Variants in ZNF76 observed in about 807,000 individuals in gnomAD.
The protein encoded by ZNF76 is zinc finger protein 523.
Under a neutral mutation model 66.9 loss-of-function variants are expected in ZNF76, and 66 were observed. The ratio of observed to expected loss-of-function variants is 0.99; its 90% CI spans 0.81 to 1.21. The LOEUF (loss-of-function observed/expected upper bound fraction) is 1.21, where lower values mean the gene tolerates loss of function less well. Ranked by LOEUF, ZNF76 falls within the 50% of genes most tolerant of loss-of-function variation. The pLI is 0.00. For missense variants in ZNF76, 729 were observed against 760.3 expected, an observed-to-expected ratio of 0.96 and a Z score of 0.48; for synonymous variants, 275 against 296.1, an observed-to-expected ratio of 0.93 and a Z score of 0.73.
At chr6:35,286,587 G>T in intron 4 of ZNF76, 188 bp downstream of exon 4, 1 of 630,970 alleles carries the variant, frequency 1.6e-6, no homozygotes, top group Non-Finnish European at 2.9e-6. Flanking sequence ...CACAGGAGCA[G>T]CTATGTCTGC....
At chr6:35,272,787 G>A (rs900778967) in intron 1 of ZNF76, among the ~76,000 whole-genome samples, 3 of 152,096 alleles carry the variant, frequency 2.0e-5, no homozygotes, top group Non-Finnish European at 4.4e-5. Context: ...ACAGCCATGT[G>A]CCACCATGCC....
At chr6:35,264,031 A>G (rs1785627224) in intron 1 of ZNF76, among the ~76,000 whole-genome samples, 1 of 152,168 alleles carries the variant, frequency 6.6e-6, no homozygotes, top group Non-Finnish European at 1.5e-5. Context: ...GATTACAGGC[A>G]TGAGCCACTG....
Position 35,287,032 on chromosome 6 carries a change from A to G in ZNF76, c.233-614A>G, listed in dbSNP as rs1211374969. Among the ~76,000 whole-genome samples, 1 of 152,128 alleles carries G rather than the reference A, an allele frequency of 6.6e-6. No homozygotes were observed. The highest frequency in any genetic ancestry group is 1.5e-5 in the Non-Finnish European group (1 of 68,018). On this transcript the variant is annotated intron_variant, in intron 4 of 13. Coordinates refer to ENST00000373953, the MANE Select transcript of ZNF76 (RefSeq NM_003427.5). The surrounding 1 kb of genome is among the most constrained non-coding windows in gnomAD (Gnocchi z 4.0). ...ACTTAGCTGGGGGAAGAGGGATGGCAGGGAGGGTTCAGTACTTCAGGCAGA... is the reference window on the plus strand; with the variant it reads ...ACTTAGCTGGGGGAAGAGGGATGGCGGGGAGGGTTCAGTACTTCAGGCAGA...
chr6:35,265,103 G>A (rs1785809606), intron 1 of ZNF76, among the ~76,000 whole-genome samples: 2 of 152,124 alleles, frequency 1.3e-5, no homozygotes, highest in South Asian at 4.1e-4. Context: ...CTAGGTACTG[G>A]GAATAGAGCA....
chr6:35,260,076 C>G (rs894956921), intron 1 of ZNF76, among the ~76,000 whole-genome samples: 5 of 152,052 alleles, frequency 3.3e-5, no homozygotes, highest in Non-Finnish European at 7.4e-5. Context: ...CGGCGCCCGC[C>G]TCCACCCTTG....
intron 1 of ZNF76, chr6:35,279,909 G>C (rs1788504887): frequency 6.6e-6 from 1 of 152,130 alleles, no homozygotes; most frequent in Non-Finnish European, 1.5e-5. Context: ...AAAGCTTACT[G>C]CAGTTTCAAA....
rs1205478450 is a variant in ZNF76, at chr6:35,295,628, C to T, written c.*380C>T. 3.2e-6 allele frequency: 1 copy of T among 310,842 alleles called. No individual in the cohort carries two copies. Among genetic ancestry groups the T allele is most frequent in the African/African-American group, 2.2e-5 (1 of 46,426 alleles). The allele number at this position is 310,842 out of a possible 1,614,324, so 19.3% of individuals were successfully genotyped here. ...TGGCCCTGTAGGGTTGAGCCACAGA[C>T]AGCTCTTCAGCCCAGTAGCAGTGGA... On this transcript the variant is annotated 3_prime_UTR_variant, in exon 14 of 14. Coordinates refer to ENST00000373953, the MANE Select transcript of ZNF76 (RefSeq NM_003427.5).
In ZNF76 at chr6:35,291,548, A is replaced by G. The variant is rs374070560; in HGVS notation, c.752-10A>G. 54 of 1,609,782 alleles carry G rather than the reference A, an allele frequency of 3.4e-5. No individual in the cohort carries two copies. Among genetic ancestry groups the G allele is most frequent in the Non-Finnish European group, 4.6e-5 (54 of 1,176,622 alleles). ...CCCACACCCCTCCTCACATCCCACC[A>G]TTTGCATAGGTGAACGCCCGTTCCA... On this transcript the variant is annotated splice_polypyrimidine_tract_variant and intron_variant, in intron 8 of 13. Transcript: ENST00000373953.
chr6:35,267,052 G>A (rs1363368074), intron 1 of ZNF76, among the ~76,000 whole-genome samples: 1 of 151,882 alleles, frequency 6.6e-6, no homozygotes, highest in Non-Finnish European at 1.5e-5. Context: ...GCCCGCCTTG[G>A]CCTCCCAAAG....
At chr6:35,294,848 G>A (rs1396622899) in intron 13 of ZNF76, 24 of 568,356 alleles carry the variant, frequency 4.2e-5, no homozygotes, top group Non-Finnish European at 6.9e-5. Flanking sequence ...TTCTTCATCT[G>A]GAAATGAAGG....
intron 5 of ZNF76, chr6:35,288,097 G>A (rs966192648): frequency 3.5e-5 from 23 of 665,480 alleles, no homozygotes; most frequent in African/African-American, 3.0e-4. Flanking sequence ...TTTTGTTTAC[G>A]CTGTCTTTGC....
At chr6:35,262,014 T>C (rs1416384495) in intron 1 of ZNF76, among the ~76,000 whole-genome samples, 1 of 152,188 alleles carries the variant, frequency 6.6e-6, no homozygotes, top group Non-Finnish European at 1.5e-5. Flanking sequence ...TTAATGTAAG[T>C]TTTATGTGAC....
chr6:35,259,738 CGCGG>C lies in ZNF76; in HGVS notation c.-189_-186del, dbSNP rs1217745535. The C allele has an allele frequency of 2.6e-5, 4 of 152,694 alleles. No individual in the cohort carries two copies. The highest frequency in any genetic ancestry group is 1.9e-4 in the East Asian group (1 of 5,178). The allele number at this position is 152,694 out of a possible 1,614,324, so 9.5% of individuals were successfully genotyped here. ...TGGATATCGCGCGAGGCAAGCTGCGCGCGGGCGGGCGGGCTATGGCGCAGGCGGG... is the reference window on the plus strand; with the variant it reads ...TGGATATCGCGCGAGGCAAGCTGCGCGCGGGCGGGCTATGGCGCAGGCGGG... On this transcript the variant is annotated 5_prime_UTR_variant, in exon 1 of 14. Transcript: ENST00000373953.
chr6:35,288,145 T>C (rs1789861984), intron 5 of ZNF76: 1 of 586,580 alleles, frequency 1.7e-6, no homozygotes, highest in African/African-American at 1.8e-5. Flanking sequence ...GGCATCCTTA[T>C]GCTGAGGAGT....
chr6:35,293,630 C>T (rs7765510), intron 11 of ZNF76, 121 bp from the exon 12 acceptor site: 25,350 of 1,233,972 alleles, frequency 0.021, 729 homozygotes, highest in African/African-American at 0.13. Flanking sequence ...CCATCCCTTC[C>T]ACCACTATGA....
chr6:35,294,025 C>G, intron 12 of ZNF76, 110 bp downstream of exon 12: 2 of 1,338,920 alleles, frequency 1.5e-6, no homozygotes, highest in Non-Finnish European at 2.0e-6. Context: ...GACAAAGATT[C>G]CCCACAAAAG....
chr6:35,282,355 C>T (rs1466858816), intron 2 of ZNF76, among the ~76,000 whole-genome samples: 1 of 148,962 alleles, frequency 6.7e-6, no homozygotes, highest in African/African-American at 2.5e-5. Context: ...AATAATAATA[C>T]CAAGTTCTAA....
At position 35,285,700 on chromosome 6, in the gene ZNF76, A is replaced by T. The variant is rs367845965; in HGVS notation, c.74-428A>T. On this transcript the variant is annotated intron_variant, in intron 2 of 13. Transcript: ENST00000373953. The stretch of plus-strand genomic sequence containing the variant: ...TCACAGGGGCTCCTGGTCTTAGCAC[A>T]CTGTCATAGTGAGGGATGAGGGGAT... Among the ~76,000 whole-genome samples the T allele has an allele frequency of 1.1e-4, 17 of 152,314 alleles. No individual in the cohort carries two copies. In the South Asian group the frequency reaches 3.5e-3, roughly 32 times the overall value.
In ZNF76 at chr6:35,290,704, G is replaced by T. The variant is rs765023943; in HGVS notation, c.613G>T (p.Ala205Ser). Residue 205 changes from alanine to serine, a missense_variant, in exon 7 of 14, where the codon GCC becomes TCC. Ala to Ser is a moderately conservative substitution (Grantham distance 99). Coordinates refer to ENST00000373953, the MANE Select transcript of ZNF76 (RefSeq NM_003427.5). ...ATGTGACTTCCCCAGCTGTGGAAAG[G>T]CCTTTGCCACAGGTAACCTGCCTGG... ...YRCDFPSCGK[A>S]FATGYGLKSH... 14 of 1,614,094 alleles carry T rather than the reference G, an allele frequency of 8.7e-6. No individual in the cohort carries two copies. The highest frequency in any genetic ancestry group is 1.6e-4 in the Middle Eastern group (1 of 6,084).
Sources: gnomAD v4.1 joint callset for allele counts (sites outside exome capture counted in the v4.1 genomes callset) on GRCh38, gnomAD v4.1.1 for gene constraint, Gnocchi (gnomAD v3.1) non-coding constraint, MANE v1.5 for transcripts, NCBI Gene and HGNC (gene_info 2026-07-23, HGNC 2026-07-21) for gene names.